Variants in CNTNAP3B observed in about 807,000 individuals in gnomAD.
The protein encoded by CNTNAP3B is contactin associated protein family member 3B.
CNTNAP3B carries 25 observed loss-of-function variants against 108.9 expected under a neutral mutation model. That is an observed-to-expected ratio of 0.23 (90% CI 0.17 to 0.32). The LOEUF (loss-of-function observed/expected upper bound fraction) is 0.32. CNTNAP3B is among the 10% of genes least tolerant of loss of function. CNTNAP3B has a pLI of 1.00. For synonymous variants in CNTNAP3B, 103 were observed against 473.4 expected, an observed-to-expected ratio of 0.22 and a Z score of 10.16; for missense variants, 252 against 1,210.4, an observed-to-expected ratio of 0.21 and a Z score of 11.75.
chr9:41,934,122 TACACAC>T (rs201541186), intron 14 of CNTNAP3B, among the ~76,000 whole-genome samples: 22 of 73,402 alleles, frequency 3.0e-4, no homozygotes, highest in African/African-American at 4.7e-4. Context: ...TATATATATA[TACACAC>T]ACATATATAT....
intron 13 of CNTNAP3B, 123 bp downstream of exon 13, chr9:41,953,060 T>C (rs1824741109): frequency 4.2e-6 from 5 of 1,187,920 alleles, no homozygotes; most frequent in African/African-American, 1.6e-5. Context: ...GAGAGAGCGG[T>C]CAGGGCTTTG....
chr9:42,083,903 AC>A (rs1827651246), intron 2 of CNTNAP3B, among the ~76,000 whole-genome samples: 1 of 112,720 alleles, frequency 8.9e-6, no homozygotes, highest in Non-Finnish European at 1.8e-5. Flanking sequence ...GGAATAGTTA[AC>A]AAAATGGTGA....
At chr9:42,119,282 G>A (rs1161828545) in intron 1 of CNTNAP3B, among the ~76,000 whole-genome samples, 3 of 125,964 alleles carry the variant, frequency 2.4e-5, no homozygotes, top group Non-Finnish European at 4.9e-5. Context: ...GGGATGTGAA[G>A]GAACTCTTCA....
chr9:42,073,605 AAAT>A (rs1827420793), intron 3 of CNTNAP3B, among the ~76,000 whole-genome samples: 1 of 74,610 alleles, frequency 1.3e-5, no homozygotes, highest in South Asian at 7.1e-4. Context: ...CTTTTTAAGA[AAAT>A]AATAAATAGG....
At chr9:41,947,258 C>G (rs1334520820) in intron 13 of CNTNAP3B, among the ~76,000 whole-genome samples, 7 of 151,900 alleles carry the variant, frequency 4.6e-5, no homozygotes, top group African/African-American at 1.7e-4. Flanking sequence ...CAGACCATAT[C>G]CCTGGGAGCC....
At chr9:41,941,899 A>G (rs1824356908) in intron 13 of CNTNAP3B, among the ~76,000 whole-genome samples, 1 of 152,226 alleles carries the variant, frequency 6.6e-6, no homozygotes, top group South Asian at 2.1e-4. Flanking sequence ...TTCTCAGAAT[A>G]AAGATAGGAA....
At chr9:41,990,744 A>C in intron 8 of CNTNAP3B, among the ~76,000 whole-genome samples, 1 of 134,002 alleles carries the variant, frequency 7.5e-6, no homozygotes. Context: ...TGCTCCTCCC[A>C]TCTGCAAATC....
At chr9:41,927,915 G>A (rs1823864142) in intron 15 of CNTNAP3B, among the ~76,000 whole-genome samples, 1 of 116,528 alleles carries the variant, frequency 8.6e-6, no homozygotes, top group Non-Finnish European at 1.8e-5. Context: ...GGGGGCAAAG[G>A]AAACAAGTCA....
intron 3 of CNTNAP3B, among the ~76,000 whole-genome samples, chr9:42,041,974 A>G: frequency 8.5e-6 from 1 of 118,030 alleles, no homozygotes; most frequent in South Asian, 2.6e-4. Flanking sequence ...TTCTGAGCAA[A>G]CTATAGCAAG....
chr9:42,036,764 A>T (rs1292655408), intron 3 of CNTNAP3B, among the ~76,000 whole-genome samples: 2 of 137,132 alleles, frequency 1.5e-5, no homozygotes, highest in African/African-American at 5.9e-5. Flanking sequence ...TGGGTCCCTG[A>T]CCCCCGAGTA....
intron 3 of CNTNAP3B, among the ~76,000 whole-genome samples, chr9:42,059,970 G>A (rs1252800737): frequency 6.6e-6 from 1 of 150,576 alleles, no homozygotes; most frequent in African/African-American, 2.5e-5. Context: ...CATCTGCAAA[G>A]AGGGACAATT....
chr9:41,955,661 AC>A (rs1294732296), intron 12 of CNTNAP3B, among the ~76,000 whole-genome samples: 3 of 152,296 alleles, frequency 2.0e-5, no homozygotes, highest in African/African-American at 7.2e-5. Context: ...ATTAATTATA[AC>A]AGTGGCTAAA....
intron 13 of CNTNAP3B, among the ~76,000 whole-genome samples, chr9:41,940,209 C>G (rs1824292622): frequency 6.6e-6 from 1 of 152,286 alleles, no homozygotes; most frequent in Non-Finnish European, 1.5e-5. Context: ...TGTAAACTTC[C>G]CACATGTGGT....
At chr9:42,086,465 A>G (rs1450539570) in intron 2 of CNTNAP3B, among the ~76,000 whole-genome samples, 21 of 141,060 alleles carry the variant, frequency 1.5e-4, no homozygotes. Flanking sequence ...ACATTTTACA[A>G]CAGGCGGAGT....
intron 13 of CNTNAP3B, among the ~76,000 whole-genome samples, chr9:41,944,489 T>C (rs1396888316): frequency 1.7e-3 from 253 of 152,326 alleles, no homozygotes; most frequent in African/African-American, 5.3e-3. Flanking sequence ...TAGATTGTTA[T>C]AGTGTATATT....
rs1187708677 is a variant in CNTNAP3B, at chr9:42,088,501, G to T, written c.197-11439C>A. Among the ~76,000 whole-genome samples the T allele has an allele frequency of 4.3e-5, 6 of 138,712 alleles. 2 individuals carry two copies. In the East Asian group the frequency reaches 1.3e-3, roughly 31 times the overall value. The allele number at this position is 138,712 out of a possible 152,430, so 91.0% of individuals were successfully genotyped here. On this transcript the variant is annotated intron_variant, in intron 2 of 23. Coordinates refer to ENST00000377561, the MANE Select transcript of CNTNAP3B (RefSeq NM_001201380.3). ...GATGAATTTTAAAGTTACATATGCT[G>T]CTGAAGCATACTCTTTGCGTAAGTA...
At chr9:41,928,679 CA>C (rs1170889566) in intron 15 of CNTNAP3B, among the ~76,000 whole-genome samples, 1 of 152,112 alleles carries the variant, frequency 6.6e-6, no homozygotes, top group East Asian at 1.9e-4. Context: ...CAGACTTCTC[CA>C]CGGCAATGTA....
Position 41,979,665 on chromosome 9 carries a change from A to T in CNTNAP3B, c.1477+6503T>A, listed in dbSNP as rs868375743. 1.1e-3 allele frequency: 48 copies of T among 42,018 alleles called. 11 individuals carry two copies. Among genetic ancestry groups the T allele is most frequent in the African/African-American group, 1.9e-3 (29 of 14,910 alleles). The allele number at this position is 42,018 out of a possible 1,614,324, so 2.6% of individuals were successfully genotyped here. On this transcript the variant is annotated intron_variant, in intron 9 of 23. Transcript: ENST00000377561. ...TTTAAAAAATATTTTATATATATAT[A>T]TATTTTTTTTTTCAAGTGATTATCC...
intron 10 of CNTNAP3B, among the ~76,000 whole-genome samples, chr9:41,965,076 G>A (rs1383846281): frequency 6.6e-6 from 1 of 152,286 alleles, no homozygotes; most frequent in African/African-American, 2.4e-5. Context: ...AGTGACAGAG[G>A]TTCAGAAATT....
Sources: gnomAD v4.1 joint callset for allele counts (sites outside exome capture counted in the v4.1 genomes callset) on GRCh38, gnomAD v4.1.1 for gene constraint, MANE v1.5 for transcripts, NCBI Gene and HGNC (gene_info 2026-07-23, HGNC 2026-07-21) for gene names.